The following PTCHD1 variants were observed in gnomAD, a reference collection of about 807,000 sequenced individuals.
PTCHD1 encodes the protein patched domain-containing protein 1.
PTCHD1 carries 3 observed loss-of-function variants against 34.6 expected under a neutral mutation model. That is an observed-to-expected ratio of 0.09 (90% confidence interval 0.04 to 0.22). The LOEUF (loss-of-function observed/expected upper bound fraction) is 0.22. Ranked by LOEUF, PTCHD1 falls within the 10% of genes least tolerant of loss-of-function variation. The probability of loss-of-function intolerance (pLI) is 1.00; values close to 1 mark genes in which losing one functional copy is unlikely to be tolerated. For synonymous variants in PTCHD1, 305 were observed against 283.1 expected, an observed-to-expected ratio of 1.08 and a Z score of -0.77; for missense variants, 504 against 685.5, an observed-to-expected ratio of 0.74 and a Z score of 2.96.
chrX:23,387,513 A>G (rs1922713523), intron 2 of PTCHD1, among the ~76,000 whole-genome samples: 1 of 112,521 alleles, frequency 8.9e-6, no homozygotes, highest in Non-Finnish European at 1.9e-5. Flanking sequence ...AAGAAAAATT[A>G]TTAGCCTAAA....
At chrX:23,352,645 C>G (rs1921669866) in intron 1 of PTCHD1, among the ~76,000 whole-genome samples, 1 of 111,426 alleles carries the variant, frequency 9.0e-6, no homozygotes, top group African/African-American at 3.3e-5. Flanking sequence ...CTTTAAATTT[C>G]ATCACATATC....
chrX:23,380,408 C>T, intron 2 of PTCHD1, 157 bp downstream of exon 2: 1 of 537,627 alleles, frequency 1.9e-6, no homozygotes, highest in Non-Finnish European at 3.2e-6. Context: ...TGCTGGTAAT[C>T]AGCAAAAAAC....
At chrX:23,362,163 G>A (rs1028974085) in intron 1 of PTCHD1, among the ~76,000 whole-genome samples, 1 of 111,822 alleles carries the variant, frequency 8.9e-6, no homozygotes, top group Non-Finnish European at 1.9e-5. Flanking sequence ...TCTTTGTGGT[G>A]TTCTCTGTAT....
intron 1 of PTCHD1, among the ~76,000 whole-genome samples, chrX:23,367,278 C>A (rs1922172571): frequency 8.9e-6 from 1 of 112,172 alleles, no homozygotes; most frequent in African/African-American, 3.2e-5. Flanking sequence ...ACTTCTGATT[C>A]TCAACAAAGC....
At chrX:23,366,310 C>T (rs1331031262) in intron 1 of PTCHD1, among the ~76,000 whole-genome samples, 1 of 112,212 alleles carries the variant, frequency 8.9e-6, no homozygotes, top group African/African-American at 3.2e-5. Flanking sequence ...CTGATCATTT[C>T]ATCCGCTGAT....
chrX:23,394,163 T>A lies in PTCHD1; in HGVS notation c.2645T>A (p.Val882Asp). Residue 882 changes from valine to aspartate, a missense_variant, in exon 3 of 3, where the codon GTT becomes GAT. Physicochemically the swap from Val to Asp is radical, Grantham distance 152. Transcript: ENST00000379361. Reference protein sequence around the residue: ...EMVDIDSTRVVDQITTV With the variant: ...EMVDIDSTRVDDQITTV Reference sequence around the variant, plus strand: ...GTAGATATCGATAGTACCCGTGTGGTTGACCAAATTACAACAGTGTGATAA... The same window carrying A: ...GTAGATATCGATAGTACCCGTGTGGATGACCAAATTACAACAGTGTGATAA... The A allele has an allele frequency of 8.3e-7, 1 of 1,201,882 alleles. No homozygotes were observed. The highest frequency in any genetic ancestry group is 1.7e-5 in the African/African-American group (1 of 57,408).
chrX:23,394,450 ACC>A lies in PTCHD1; in HGVS notation c.*267_*268del, dbSNP rs1555912833. ...CACACACACACACACACACACACAC[ACC>A]CTGGGAGACCTATAGTCTCTTAAAC... is the stretch of plus-strand genomic sequence containing the variant. On this transcript the variant is annotated 3_prime_UTR_variant, in exon 3 of 3. Coordinates refer to ENST00000379361, the MANE Select transcript of PTCHD1 (RefSeq NM_173495.3). 2.1e-5 allele frequency: 6 copies of A among 291,769 alleles called. No individual in the cohort carries two copies. Among genetic ancestry groups the A allele is most frequent in the African/African-American group, 1.7e-4 (6 of 35,291 alleles). 24.0% of individuals were successfully genotyped at this position (291,769 alleles called of 1,213,427 possible).
chrX:23,366,474 C>T (rs1922143246), intron 1 of PTCHD1, among the ~76,000 whole-genome samples: 1 of 112,023 alleles, frequency 8.9e-6, no homozygotes, highest in Non-Finnish European at 1.9e-5. Context: ...CCCTGACATC[C>T]TTTTTGTGCC....
Position 23,335,233 on chromosome X carries a change from G to A in PTCHD1, c.351+7G>A. ...CACCGACCTGATCTTAAAGGTGAGA[G>A]GGGACGGGTGCGGGCAGACTCCGCC... On this transcript the variant is annotated splice_region_variant and intron_variant, in intron 1 of 2. Coordinates refer to ENST00000379361, the MANE Select transcript of PTCHD1 (RefSeq NM_173495.3). 8.4e-7 allele frequency: 1 copy of A among 1,190,685 alleles called. No homozygotes were observed. The highest frequency in any genetic ancestry group is 1.1e-6 in the Non-Finnish European group (1 of 876,351).
At chrX:23,339,119 C>G (rs1376978078) in intron 1 of PTCHD1, among the ~76,000 whole-genome samples, 1 of 111,842 alleles carries the variant, frequency 8.9e-6, no homozygotes, top group Non-Finnish European at 1.9e-5. Context: ...AATAGCTACT[C>G]AATAAATACT....
intron 2 of PTCHD1, among the ~76,000 whole-genome samples, chrX:23,384,053 T>G (rs1922627914): frequency 8.9e-6 from 1 of 112,301 alleles, no homozygotes; most frequent in Non-Finnish European, 1.9e-5. Flanking sequence ...ACAGCTTTGC[T>G]GATCAGATAC....
chrX:23,350,738 G>A (rs1322065092), intron 1 of PTCHD1, among the ~76,000 whole-genome samples: 1 of 110,958 alleles, frequency 9.0e-6, no homozygotes, highest in Non-Finnish European at 1.9e-5. Flanking sequence ...ACAGTCTTGA[G>A]TAACATCAAA....
chrX:23,350,350 T>G (rs1395109224), intron 1 of PTCHD1, among the ~76,000 whole-genome samples: 1 of 111,282 alleles, frequency 9.0e-6, no homozygotes, highest in East Asian at 2.8e-4. Flanking sequence ...GATTGGGAGA[T>G]AGAATTAATA....
intron 1 of PTCHD1, among the ~76,000 whole-genome samples, chrX:23,357,129 T>A (rs1160338634): frequency 8.9e-6 from 1 of 112,165 alleles, no homozygotes; most frequent in Non-Finnish European, 1.9e-5. Flanking sequence ...CTCTTCTTTC[T>A]TGCAGTGTTT....
rs5971118 is a variant in PTCHD1, at chrX:23,398,829, G to A, written c.*4644G>A. On this transcript the variant is annotated 3_prime_UTR_variant, in exon 3 of 3. Transcript: ENST00000379361. ...AGGCAGTGCCAGGATGTCCCCCCCA[G>A]CTTGCCTCTCACCCGCCCCGCTGCT... The A allele has an allele frequency of 0.43, 46,752 of 108,827 alleles. 7,319 individuals are homozygous for A. Among genetic ancestry groups the A allele is most frequent in the East Asian group, 0.59 (1,998 of 3,412 alleles). The allele number at this position is 108,827 out of a possible 1,213,427, so 9.0% of individuals were successfully genotyped here. A position where few individuals can be genotyped will look rare whatever the true frequency, so the allele number is the denominator to read the frequency against.
chrX:23,378,234 A>G (rs1922462655), intron 1 of PTCHD1, among the ~76,000 whole-genome samples: 1 of 111,672 alleles, frequency 9.0e-6, no homozygotes, highest in Admixed American at 9.5e-5. Context: ...CAGTAACATG[A>G]TATGCCATTT....
At position 23,394,302 on chromosome X, in the gene PTCHD1, CAAAAAAAAAAAA is replaced by C. The variant is rs765690048; in HGVS notation, c.*128_*139del. 3 of 52,430 alleles carry C rather than the reference CAAAAAAAAAAAA, an allele frequency of 5.7e-5. No homozygotes were observed. The highest frequency in any genetic ancestry group is 3.4e-4 in the Admixed American group (1 of 2,939). The allele number at this position is 52,430 out of a possible 1,213,427, so 4.3% of individuals were successfully genotyped here. ...TTTAAAGATAGGAAACAGGCATTGC[CAAAAAAAAAAAA>C]AAAAAAAAAAGGAAAGGACAGTGGG... is the stretch of plus-strand genomic sequence containing the variant. On this transcript the variant is annotated 3_prime_UTR_variant, in exon 3 of 3. Transcript: ENST00000379361.
chrX:23,358,607 T>C (rs910814295), intron 1 of PTCHD1, among the ~76,000 whole-genome samples: 5 of 112,076 alleles, frequency 4.5e-5, no homozygotes, highest in Middle Eastern at 4.2e-3. Context: ...TGCCTGTTCA[T>C]TCTGATGGTA....
chrX:23,402,968 G>C lies in PTCHD1; in HGVS notation c.*8783G>C, dbSNP rs1373244648. The C allele has an allele frequency of 8.9e-6, 1 of 112,500 alleles. No individual in the cohort carries two copies. The highest frequency in any genetic ancestry group is 3.2e-5 in the African/African-American group (1 of 30,989). The allele number at this position is 112,500 out of a possible 1,213,427, so 9.3% of individuals were successfully genotyped here. A position where few individuals can be genotyped will look rare whatever the true frequency, so the allele number is the denominator to read the frequency against. ...GGTGAGAAAACAAAAAAGAAGAGAA[G>C]CTATGTTGAATATTTAGTAATGTTG... On this transcript the variant is annotated 3_prime_UTR_variant, in exon 3 of 3. Coordinates refer to ENST00000379361, the MANE Select transcript of PTCHD1 (RefSeq NM_173495.3).
Sources: allele counts gnomAD v4.1 joint callset (sites outside exome capture counted in the v4.1 genomes callset), GRCh38; gene constraint gnomAD v4.1.1; transcripts MANE v1.5; gene names NCBI Gene and HGNC (gene_info 2026-07-23, HGNC 2026-07-21).